The following TRPV4 variants were observed in gnomAD, a reference collection of about 807,000 sequenced individuals.
The protein encoded by TRPV4 is OSM9-like transient receptor potential channel 4.
Under a neutral mutation model 84.1 loss-of-function variants are expected in TRPV4, and 58 were observed. The observed-to-expected ratio is 0.69, with a 90% CI of 0.56 to 0.86. TRPV4 has a LOEUF of 0.86. Ranked by LOEUF, TRPV4 falls within the 40% of genes least tolerant of loss-of-function variation. The pLI is 0.00. For missense variants in TRPV4, 879 were observed against 1,181.1 expected, an observed-to-expected ratio of 0.74 and a Z score of 3.75; for synonymous variants, 489 against 500.9, an observed-to-expected ratio of 0.98 and a Z score of 0.32.
chr12:109,817,527 CA>C (rs1733158106), intron 1 of TRPV4, among the ~76,000 whole-genome samples: 1 of 152,324 alleles, frequency 6.6e-6, no homozygotes, highest in Non-Finnish European at 1.5e-5. Flanking sequence ...CTGGGGACTC[CA>C]AAATGGGGGC....
chr12:109,814,721 G>A lies in TRPV4; in HGVS notation c.76C>T (p.Pro26Ser), dbSNP rs1592863979. 1.2e-6 allele frequency: 2 copies of A among 1,601,228 alleles called. No homozygotes were observed. Among genetic ancestry groups the A allele is most frequent in the South Asian group, 2.2e-5 (2 of 89,470 alleles). Residue 26 changes from proline to serine, a missense_variant, in exon 2 of 16, where the codon CCA becomes TCA. This residue lies in a region of TRPV4 where 107 missense variants were observed against 99.4 expected (regional missense o/e 1.08). Transcript: ENST00000261740. The surrounding 1 kb of genome is among the most constrained non-coding windows in gnomAD (Gnocchi z 5.4). ...GAGAGAGGAAAAGCCTCCCCACCTG[G>A]GGTGCCACTCTCATCCCCGGGGAGC... ...AELPGDESGT[P>S]GGEAFPLSSL...
chr12:109,796,374 G>A lies in TRPV4; in HGVS notation c.1332+151C>T. Reference sequence around the variant, plus strand: ...TGGCAGACACTGTTCTGGGCACTTAGTTGGCACCTTCTCTTGCATTCAGCC... The same window carrying A: ...TGGCAGACACTGTTCTGGGCACTTAATTGGCACCTTCTCTTGCATTCAGCC... On this transcript the variant is annotated intron_variant, in intron 7 of 15. Transcript: ENST00000261740. The surrounding 1 kb of genome is among the most constrained non-coding windows in gnomAD (Gnocchi z 4.2). The A allele has an allele frequency of 2.4e-6, 2 of 832,812 alleles. No homozygotes were observed. The highest frequency in any genetic ancestry group is 3.1e-5 in the South Asian group (2 of 64,776). The allele number at this position is 832,812 out of a possible 1,614,324, so 51.6% of individuals were successfully genotyped here. A position where few individuals can be genotyped will look rare whatever the true frequency, so the allele number is the denominator to read the frequency against.
chr12:109,802,924 G>A, intron 4 of TRPV4, 67 bp downstream of exon 4: 1 of 1,562,088 alleles, frequency 6.4e-7, no homozygotes, highest in Non-Finnish European at 8.8e-7. Context: ...AGTCTCAGGA[G>A]TCAGACAAGC....
Position 109,800,666 on chromosome 12 carries a change from G to A in TRPV4, c.805C>T (p.Arg269Cys), listed in dbSNP as rs267607146. Reference protein sequence around the residue: ...AQGADVHAQARGRFFQPKDEG... With the variant: ...AQGADVHAQACGRFFQPKDEG... ...TCCTTGGGCTGGAAGAAGCGCCCAC[G>A]GGCCTGGGCGTGGACATCAGCTCCC... Residue 269 changes from arginine to cysteine, a missense_variant, in exon 5 of 16, where the codon CGT becomes TGT. Arg to Cys is a radical substitution (Grantham distance 180). This residue lies in a region of TRPV4 where 521 missense variants were observed against 686.6 expected (regional missense o/e 0.76). Coordinates refer to ENST00000261740, the MANE Select transcript of TRPV4 (RefSeq NM_021625.5). 2 of 1,614,054 alleles carry A rather than the reference G, an allele frequency of 1.2e-6. No individual in the cohort carries two copies. Among genetic ancestry groups the A allele is most frequent in the African/African-American group, 1.3e-5 (1 of 74,946 alleles).
At chr12:109,792,294 A>G (rs1048467796) in intron 12 of TRPV4, 69 bp downstream of exon 12, 106 of 1,336,306 alleles carry the variant, frequency 7.9e-5, no homozygotes, top group Non-Finnish European at 1.1e-4. Context: ...ATTGTCCCCT[A>G]TACATCATGG....
At chr12:109,828,970 A>C (rs1332585915) in intron 1 of TRPV4, among the ~76,000 whole-genome samples, 1 of 152,114 alleles carries the variant, frequency 6.6e-6, no homozygotes. Context: ...GGGTTACTTG[A>C]GCTCTGGAAT....
At chr12:109,833,087 C>T (rs931906843) in intron 1 of TRPV4, among the ~76,000 whole-genome samples, 2 of 152,240 alleles carry the variant, frequency 1.3e-5, no homozygotes, top group Admixed American at 6.5e-5. Context: ...AACCGCCCTC[C>T]CCCCAGACCT....
intron 14 of TRPV4, 22 bp from the exon 15 acceptor site, chr12:109,784,459 G>A: frequency 1.2e-6 from 2 of 1,614,062 alleles, no homozygotes; most frequent in Non-Finnish European, 1.7e-6. Context: ...CAAGCAGAGG[G>A]TCATGGGGAA....
At chr12:109,828,677 C>T (rs922433101) in intron 1 of TRPV4, among the ~76,000 whole-genome samples, 8 of 152,324 alleles carry the variant, frequency 5.3e-5, no homozygotes, top group South Asian at 2.1e-4. Context: ...GTGAGCCTAG[C>T]GTAGCTTTCC....
rs1390589764 is a variant in TRPV4 at position 109,783,636 on chromosome 12, A to G, written c.2601T>C (p.Asp867=). Residue 867 remains aspartate (D), a synonymous_variant, in exon 16 of 16, where the codon GAT becomes GAC. Coordinates refer to ENST00000261740, the MANE Select transcript of TRPV4 (RefSeq NM_021625.5). This position sits in a 1 kb window ranked among gnomAD's most constrained non-coding sequence, Gnocchi z 4.6. ...QQGYPRKWRT[D]DAPL ...GCTGCAGTCCCTAGAGCGGGGCGTC[A>G]TCAGTCCTCCACTTGCGGGGGTAAC... is the stretch of plus-strand genomic sequence containing the variant. 1.2e-6 allele frequency: 2 copies of G among 1,613,782 alleles called. No individual in the cohort carries two copies. The highest frequency in any genetic ancestry group is 1.7e-6 in the Non-Finnish European group (2 of 1,179,944).
At chr12:109,823,243 A>C (rs1892159615) in intron 1 of TRPV4, among the ~76,000 whole-genome samples, 1 of 152,206 alleles carries the variant, frequency 6.6e-6, no homozygotes, top group Non-Finnish European at 1.5e-5. Context: ...TTTGCTGCAC[A>C]GTGGCCGCCT....
At chr12:109,808,255 C>G (rs745840938) in intron 3 of TRPV4, 41 bp downstream of exon 3, 17 of 1,611,000 alleles carry the variant, frequency 1.1e-5, no homozygotes, top group Admixed American at 1.7e-5. Flanking sequence ...TCCCCCACAC[C>G]CCTGGCTGTC....
intron 4 of TRPV4, among the ~76,000 whole-genome samples, chr12:109,801,422 T>A (rs1234396062): frequency 1.3e-5 from 2 of 152,160 alleles, no homozygotes; most frequent in Non-Finnish European, 2.9e-5. Context: ...CCTCAAGAGA[T>A]CTGATGATTC....
At chr12:109,809,332 C>T (rs1288786532) in intron 2 of TRPV4, among the ~76,000 whole-genome samples, 1 of 149,508 alleles carries the variant, frequency 6.7e-6, no homozygotes, top group Non-Finnish European at 1.5e-5. Context: ...ATCCATACAT[C>T]CACCCACCCA....
chr12:109,819,341 T>C (rs568254326), intron 1 of TRPV4, among the ~76,000 whole-genome samples: 3 of 152,176 alleles, frequency 2.0e-5, no homozygotes, highest in Non-Finnish European at 4.4e-5. Context: ...TCTTCCCACC[T>C]TCCTCCATGG....
chr12:109,820,861 T>C lies in TRPV4; in HGVS notation c.-31-6034A>G, dbSNP rs141873792. Among the ~76,000 whole-genome samples the C allele has an allele frequency of 1.9e-3, 295 of 152,230 alleles. 14 individuals carry two copies. In the East Asian group the frequency reaches 0.048, roughly 25 times the overall value. On this transcript the variant is annotated intron_variant, in intron 1 of 15. Transcript: ENST00000261740. ...TTAAGGGATCGTAATAGGGTCGTTG[T>C]GAGAGGTATATACCTTGAGTCAAGT...
Position 109,814,612 on chromosome 12 carries a change from T to A in TRPV4, c.185A>T (p.Asp62Val), listed in dbSNP as rs748681640. The change falls in exon 2 of 16, where the codon GAT becomes GTT. Residue 62 changes from aspartate (D) to valine (V), a missense_variant. Coordinates refer to ENST00000261740, the MANE Select transcript of TRPV4 (RefSeq NM_021625.5). The surrounding 1 kb of genome is among the most constrained non-coding windows in gnomAD (Gnocchi z 5.4). Reference sequence around the variant, plus strand: ...CTTCATGCGCAGATTTGGTCGCCCATCGCCTGGGCCAGCAGGGCGACTGGC... The same window carrying A: ...CTTCATGCGCAGATTTGGTCGCCCAACGCCTGGGCCAGCAGGGCGACTGGC... Reference protein sequence around the residue: ...ADASRPAGPGDGRPNLRMKFQ... With the variant: ...ADASRPAGPGVGRPNLRMKFQ... The A allele has an allele frequency of 6.2e-7, 1 of 1,613,990 alleles. No individual in the cohort carries two copies. The highest frequency in any genetic ancestry group is 8.5e-7 in the Non-Finnish European group (1 of 1,179,996).
chr12:109,794,578 A>T, intron 7 of TRPV4, 91 bp from the exon 8 acceptor site: 2 of 1,348,336 alleles, frequency 1.5e-6, no homozygotes, highest in Non-Finnish European at 2.1e-6. Context: ...CCCACCCTCC[A>T]CCCGGACAGC....
In TRPV4 at chr12:109,783,784, C is replaced by T. The variant is rs1480754251; in HGVS notation, c.2459-6G>A. ...TACCACCGAGGACCAGCGATCTGCA[C>T]CGAGAGCACATCAGAGGGAGGGGTG... On this transcript the variant is annotated splice_polypyrimidine_tract_variant and splice_region_variant and intron_variant, in intron 15 of 15. Coordinates refer to ENST00000261740, the MANE Select transcript of TRPV4 (RefSeq NM_021625.5). This position sits in a 1 kb window ranked among gnomAD's most constrained non-coding sequence, Gnocchi z 4.6. The T allele has an allele frequency of 5.0e-6, 8 of 1,611,160 alleles. No individual in the cohort carries two copies. Among genetic ancestry groups the T allele is most frequent in the Non-Finnish European group, 6.8e-6 (8 of 1,179,910 alleles).
Sources: gnomAD v4.1 joint callset for allele counts (sites outside exome capture counted in the v4.1 genomes callset) on GRCh38, gnomAD v4.1.1 for gene constraint, gnomAD v4.1.1 regional missense constraint, Gnocchi (gnomAD v3.1) non-coding constraint, MANE v1.5 for transcripts, NCBI Gene and HGNC (gene_info 2026-07-23, HGNC 2026-07-21) for gene names.